KIAA0825: variants seen among roughly 807,000 people sequenced by gnomAD.
KIAA0825 encodes the protein KIAA0825, also known as uncharacterized protein KIAA0825.
KIAA0825 carries 119 observed loss-of-function variants against 147.6 expected under a neutral mutation model. The ratio of observed to expected loss-of-function variants is 0.81; its 90% CI spans 0.69 to 0.94. The LOEUF is 0.94. Ranked by LOEUF, KIAA0825 falls within the 40% of genes least tolerant of loss-of-function variation. The pLI, the probability that KIAA0825 is intolerant of heterozygous loss-of-function variation, is 0.00. For missense variants in KIAA0825, 1,381 were observed against 1,472.7 expected (o/e 0.94, Z 1.02); for synonymous variants, 470 against 518.1 (o/e 0.91, Z 1.26).
chr5:94,343,576 C>A (rs1782666056), intron 20 of KIAA0825, among the ~76,000 whole-genome samples: 1 of 152,008 alleles, frequency 6.6e-6, no homozygotes, highest in African/African-American at 2.4e-5. Context: ...GTAGTCCCAG[C>A]TACTGGGGAG....
At chr5:94,483,859 C>T (rs1584639458) in intron 6 of KIAA0825, among the ~76,000 whole-genome samples, 2 of 151,484 alleles carry the variant, frequency 1.3e-5, no homozygotes, top group Non-Finnish European at 1.5e-5. Context: ...ACCAAGAGAT[C>T]GGTTTTGGGG....
chr5:94,459,095 G>GT (rs1485876328), intron 12 of KIAA0825, among the ~76,000 whole-genome samples: 1 of 151,776 alleles, frequency 6.6e-6, no homozygotes, highest in Non-Finnish European at 1.5e-5. Flanking sequence ...CTTGTGTCTG[G>GT]TTTTTTTCAC....
chr5:94,154,020 A>C lies in KIAA0825; in HGVS notation c.3815T>G (p.Ile1272Arg). Residue 1272 changes from isoleucine (I) to arginine (R), a missense_variant, in exon 21 of 21, where the codon ATA (isoleucine) becomes AGA (arginine). Transcript: ENST00000682413. ...TPQNSSASDNIEEQ is the reference protein window; with the variant it reads ...TPQNSSASDNREEQ Reference sequence around the variant, plus strand: ...GTTTTCTGCAGATTACTGTTCCTCTATGTTATCTGAGGCAGAAGAGTTCTG... The same window carrying C: ...GTTTTCTGCAGATTACTGTTCCTCTCTGTTATCTGAGGCAGAAGAGTTCTG... The C allele has an allele frequency of 1.9e-6, 3 of 1,549,020 alleles. 1 individual carries two copies. The highest frequency in any genetic ancestry group is 2.6e-6 in the Non-Finnish European group (3 of 1,144,596).
At chr5:94,365,640 T>C (rs989319678) in intron 20 of KIAA0825, among the ~76,000 whole-genome samples, 3 of 152,210 alleles carry the variant, frequency 2.0e-5, no homozygotes, top group Non-Finnish European at 2.9e-5. Context: ...CCATCTTGCT[T>C]CTAACCTTCA....
intron 13 of KIAA0825, among the ~76,000 whole-genome samples, chr5:94,444,978 A>G (rs1364749466): frequency 1.3e-5 from 2 of 152,190 alleles, no homozygotes; most frequent in African/African-American, 4.8e-5. Flanking sequence ...GAAACTTACA[A>G]TAATGGCAGA....
intron 20 of KIAA0825, among the ~76,000 whole-genome samples, chr5:94,332,129 C>G (rs255177): frequency 0.058 from 8,499 of 146,528 alleles, 331 homozygotes; most frequent in South Asian, 0.093. Flanking sequence ...CCACTGCACT[C>G]CAGCCTGGGC....
intron 20 of KIAA0825, among the ~76,000 whole-genome samples, chr5:94,167,044 A>C (rs892333210): frequency 6.6e-6 from 1 of 152,080 alleles, no homozygotes; most frequent in African/African-American, 2.4e-5. Flanking sequence ...TTTAAATGGC[A>C]CAATTTTTTA....
intron 20 of KIAA0825, among the ~76,000 whole-genome samples, chr5:94,344,186 C>T (rs559076085): frequency 6.6e-6 from 1 of 152,220 alleles, no homozygotes; most frequent in Non-Finnish European, 1.5e-5. Context: ...TAACTAAGAA[C>T]TAGAACAATC....
At chr5:94,337,184 T>C (rs1781896329) in intron 20 of KIAA0825, among the ~76,000 whole-genome samples, 2 of 152,264 alleles carry the variant, frequency 1.3e-5, no homozygotes, top group Non-Finnish European at 1.5e-5. Context: ...ATGGAAACTA[T>C]AAATTTAGAA....
At chr5:94,273,166 A>G (rs1446846845) in intron 20 of KIAA0825, among the ~76,000 whole-genome samples, 1 of 152,188 alleles carries the variant, frequency 6.6e-6, no homozygotes, top group Non-Finnish European at 1.5e-5. Context: ...AATGAAGATA[A>G]TAGCAGTACT....
At chr5:94,275,599 ATGTT>A (rs544402953) in intron 20 of KIAA0825, among the ~76,000 whole-genome samples, 33 of 152,282 alleles carry the variant, frequency 2.2e-4, no homozygotes, top group African/African-American at 7.2e-4. Context: ...GAATGAATGA[ATGTT>A]TGAGTGAACA....
chr5:94,474,476 G>A lies in KIAA0825; in HGVS notation c.1228-957C>T, dbSNP rs991130862. 7.2e-5 allele frequency among the ~76,000 whole-genome samples: 11 copies of A among 152,020 alleles called. 1 individual carries two copies. The highest frequency in any genetic ancestry group is 2.7e-4 in the African/African-American group (11 of 41,466). ...TCACTTATTTTTCTTGATCTCAGGG[G>A]TTTTTTTGCTAGAAAAACAACAGAG... On this transcript the variant is annotated intron_variant, in intron 7 of 20. Transcript: ENST00000682413.
intron 20 of KIAA0825, among the ~76,000 whole-genome samples, chr5:94,337,234 G>C (rs893567359): frequency 6.6e-6 from 1 of 152,142 alleles, no homozygotes; most frequent in Non-Finnish European, 1.5e-5. Context: ...AAGTTTTATG[G>C]TATATAAATT....
At chr5:94,518,176 A>G (rs1345191528) in intron 5 of KIAA0825, among the ~76,000 whole-genome samples, 3 of 152,196 alleles carry the variant, frequency 2.0e-5, no homozygotes, top group Admixed American at 2.0e-4. Flanking sequence ...CATTCGAGCC[A>G]TTGTCGGTCA....
chr5:94,268,114 A>C (rs533231540), intron 20 of KIAA0825, among the ~76,000 whole-genome samples: 3 of 152,286 alleles, frequency 2.0e-5, no homozygotes, highest in Non-Finnish European at 4.4e-5. Flanking sequence ...TAAAATTGCA[A>C]TTAAAAGAGG....
rs1329997666 is a variant in KIAA0825 at position 94,386,408 on chromosome 5, CAAAGAA to C, written c.3457-10_3457-5del. 16 of 1,541,076 alleles carry C rather than the reference CAAAGAA, an allele frequency of 1.0e-5. No homozygotes were observed. The highest frequency in any genetic ancestry group is 1.4e-5 in the Non-Finnish European group (16 of 1,143,226). ...ACAGCTGTTCTTTTAAATATTCCTT[CAAAGAA>C]AAGAAATTACAAGTTGTGACGGTGA... On this transcript the variant is annotated splice_polypyrimidine_tract_variant and splice_region_variant and intron_variant, in intron 18 of 20. Coordinates refer to ENST00000682413, the MANE Select transcript of KIAA0825 (RefSeq NM_001145678.3).
chr5:94,591,175 A>G (rs1021537309), intron 1 of KIAA0825, among the ~76,000 whole-genome samples: 1 of 152,252 alleles, frequency 6.6e-6, no homozygotes, highest in Non-Finnish European at 1.5e-5. Flanking sequence ...AAGAGAATTC[A>G]CAGAAGAAAC....
rs982661001 is a variant in KIAA0825 at position 94,517,378 on chromosome 5, T to C, written c.970+2870A>G. Reference sequence around the variant, plus strand: ...ATATGTAAAGCCTTGTAAAGTCTTATACATATTAATAAGTAATCACATTAG... The same window carrying C: ...ATATGTAAAGCCTTGTAAAGTCTTACACATATTAATAAGTAATCACATTAG... On this transcript the variant is annotated intron_variant, in intron 5 of 20. Coordinates refer to ENST00000682413, the MANE Select transcript of KIAA0825 (RefSeq NM_001145678.3). Among the ~76,000 whole-genome samples the C allele has an allele frequency of 1.1e-4, 16 of 152,270 alleles. No individual in the cohort carries two copies. In the East Asian group the frequency reaches 1.5e-3, roughly 15 times the overall value.
intron 20 of KIAA0825, 33 bp downstream of exon 20, chr5:94,384,335 C>T: frequency 6.7e-7 from 1 of 1,502,810 alleles, no homozygotes; most frequent in Non-Finnish European, 9.1e-7. Flanking sequence ...CCTTGTCCCT[C>T]AACCAGACCC....
Sources: gnomAD v4.1 joint callset for allele counts (sites outside exome capture counted in the v4.1 genomes callset) on GRCh38, gnomAD v4.1.1 for gene constraint, MANE v1.5 for transcripts, NCBI Gene and HGNC (gene_info 2026-07-23, HGNC 2026-07-21) for gene names.